Variants in WDR49 observed in about 807,000 individuals in gnomAD.
WDR49 encodes cilia- and flagella-associated protein 337.
In WDR49, 107 loss-of-function variants were observed where a neutral mutation model predicts 119.5. The ratio of observed to expected loss-of-function variants is 0.90; its 90% CI spans 0.77 to 1.05. The LOEUF (loss-of-function observed/expected upper bound fraction) is 1.05. Among genes scored for constraint, WDR49 ranks in the 50% least tolerant of loss-of-function variants. The pLI is 0.00. For missense variants in WDR49, 1,240 were observed against 1,220.5 expected (o/e 1.02, Z -0.24); for synonymous variants, 425 against 418.8 (o/e 1.01, Z -0.18).
chr3:167,575,318 G>A (rs1221449954), intron 8 of WDR49: 13 of 984,314 alleles, frequency 1.3e-5, no homozygotes, highest in Non-Finnish European at 1.6e-5. Context: ...TCTGCTCCAG[G>A]GGAGCCCTGC....
chr3:167,522,060 T>C (rs536975501), intron 16 of WDR49, among the ~76,000 whole-genome samples: 1 of 152,092 alleles, frequency 6.6e-6, no homozygotes. Context: ...ATTAGATTGA[T>C]GATGGAGTAG....
chr3:167,492,984 T>C (rs970406025), intron 18 of WDR49, among the ~76,000 whole-genome samples: 1 of 152,146 alleles, frequency 6.6e-6, no homozygotes, highest in African/African-American at 2.4e-5. Flanking sequence ...CCCAAGCTTT[T>C]TGATGCCTGC....
intron 8 of WDR49, chr3:167,575,323 C>T (rs892681203): frequency 3.0e-6 from 3 of 984,646 alleles, no homozygotes. Flanking sequence ...TCCAGGGGAG[C>T]CCTGCTTCTT....
intron 18 of WDR49, among the ~76,000 whole-genome samples, chr3:167,482,574 G>T (rs1208771073): frequency 6.6e-6 from 1 of 151,698 alleles, no homozygotes; most frequent in Non-Finnish European, 1.5e-5. Flanking sequence ...AGCTACTCGG[G>T]AGGCTGAGGC....
chr3:167,594,367 G>A (rs1405773092), intron 7 of WDR49, among the ~76,000 whole-genome samples: 2 of 152,162 alleles, frequency 1.3e-5, no homozygotes, highest in Non-Finnish European at 2.9e-5. Flanking sequence ...CCGGAGCAAA[G>A]GTCAAACTTC....
At chr3:167,625,448 G>T (rs1188505966) in intron 3 of WDR49, among the ~76,000 whole-genome samples, 1 of 152,062 alleles carries the variant, frequency 6.6e-6, no homozygotes, top group South Asian at 2.1e-4. Flanking sequence ...TAGAAAACCA[G>T]CTCATTATTT....
intron 17 of WDR49, among the ~76,000 whole-genome samples, chr3:167,504,632 A>G (rs1751699130): frequency 6.6e-6 from 1 of 152,188 alleles, no homozygotes; most frequent in African/African-American, 2.4e-5. Context: ...ATGAGTTAAG[A>G]CTTTGGAGGA....
chr3:167,535,845 A>G (rs1560273831), intron 11 of WDR49, among the ~76,000 whole-genome samples: 1 of 152,194 alleles, frequency 6.6e-6, no homozygotes, highest in South Asian at 2.1e-4. Flanking sequence ...ATGTCCATCA[A>G]TGAATAAATG....
chr3:167,492,585 T>C (rs1410926336), intron 18 of WDR49, among the ~76,000 whole-genome samples: 3 of 152,136 alleles, frequency 2.0e-5, no homozygotes, highest in African/African-American at 7.2e-5. Flanking sequence ...GCACTGTGCT[T>C]AGGGCTTCAC....
At chr3:167,539,000 C>T (rs1053870324) in intron 10 of WDR49, among the ~76,000 whole-genome samples, 1 of 152,126 alleles carries the variant, frequency 6.6e-6, no homozygotes, top group Admixed American at 6.6e-5. Context: ...TTATTTCCCT[C>T]TATTCTTCTA....
At chr3:167,626,799 C>T (rs1717145547) in intron 3 of WDR49, 53 bp downstream of exon 3, 3 of 1,216,000 alleles carry the variant, frequency 2.5e-6, no homozygotes, top group Non-Finnish European at 3.1e-6. Context: ...AGCCCTGCCC[C>T]ATAAGTTTTC....
intron 11 of WDR49, among the ~76,000 whole-genome samples, 193 bp from the exon 12 acceptor site, chr3:167,533,170 G>A (rs1420137790): frequency 1.3e-5 from 2 of 152,122 alleles, no homozygotes; most frequent in Non-Finnish European, 2.9e-5. Flanking sequence ...AATCCCCACA[G>A]TATAACCTGA....
chr3:167,644,878 GTCT>G (rs1559930746), intron 2 of WDR49, among the ~76,000 whole-genome samples: 2 of 152,120 alleles, frequency 1.3e-5, no homozygotes, highest in South Asian at 2.1e-4. Context: ...TAAAAAGAAC[GTCT>G]TCTTTCTGAT....
At chr3:167,536,223 T>G (rs951068657) in intron 11 of WDR49, among the ~76,000 whole-genome samples, 1 of 152,094 alleles carries the variant, frequency 6.6e-6, no homozygotes, top group Non-Finnish European at 1.5e-5. Flanking sequence ...GAAAAAAGAT[T>G]TTTTAATGTT....
At chr3:167,650,306 G>T (rs1718316464) in intron 2 of WDR49, among the ~76,000 whole-genome samples, 1 of 152,168 alleles carries the variant, frequency 6.6e-6, no homozygotes, top group African/African-American at 2.4e-5. Flanking sequence ...TGAGCATCCA[G>T]AGACCATGTC....
intron 7 of WDR49, among the ~76,000 whole-genome samples, chr3:167,588,001 T>G (rs760827958): frequency 1.3e-5 from 2 of 152,166 alleles, no homozygotes; most frequent in Non-Finnish European, 2.9e-5. Context: ...TAAACTATTT[T>G]TTACTATAGT....
chr3:167,592,759 T>C (rs964970186), intron 7 of WDR49, among the ~76,000 whole-genome samples: 1 of 152,136 alleles, frequency 6.6e-6, no homozygotes, highest in Non-Finnish European at 1.5e-5. Flanking sequence ...CTAATTAACA[T>C]TCCTTTCTTT....
chr3:167,496,824 C>G (rs1049697890), intron 18 of WDR49, among the ~76,000 whole-genome samples: 1 of 152,158 alleles, frequency 6.6e-6, no homozygotes, highest in Admixed American at 6.5e-5. Flanking sequence ...TATATACAAT[C>G]TGCTTCAGTC....
chr3:167,607,293 G>A (rs1716105762), intron 5 of WDR49, among the ~76,000 whole-genome samples: 1 of 152,188 alleles, frequency 6.6e-6, no homozygotes, highest in African/African-American at 2.4e-5. Flanking sequence ...CAGATGGGCA[G>A]GAGAAGGTCA....
Sources: gnomAD v4.1 joint callset for allele counts (sites outside exome capture counted in the v4.1 genomes callset) on GRCh38, gnomAD v4.1.1 for gene constraint, MANE v1.5 for transcripts, NCBI Gene and HGNC (gene_info 2026-07-23, HGNC 2026-07-21) for gene names.